R3HDM2: variants seen among roughly 807,000 people sequenced by gnomAD.
R3HDM2 encodes R3H domain-containing protein 2.
Under a neutral mutation model 124.5 loss-of-function variants are expected in R3HDM2, and 38 were observed. That is an observed-to-expected ratio of 0.31 (90% CI 0.24 to 0.40). The LOEUF is 0.40. R3HDM2 is among the 10% of genes least tolerant of loss of function. R3HDM2 has a pLI of 1.00. For missense variants in R3HDM2, 869 were observed against 1,236.9 expected, an observed-to-expected ratio of 0.70 and a Z score of 4.46; for synonymous variants, 391 against 448.0, an observed-to-expected ratio of 0.87 and a Z score of 1.61.
chr12:57,334,579 C>T (rs2136725309), intron 2 of R3HDM2, among the ~76,000 whole-genome samples: 1 of 152,016 alleles, frequency 6.6e-6, no homozygotes, highest in Middle Eastern at 3.4e-3. Context: ...TTCTGTTATA[C>T]TAAAAATGAA....
intron 1 of R3HDM2, among the ~76,000 whole-genome samples, chr12:57,426,947 C>T (rs2070796942): frequency 6.6e-6 from 1 of 152,172 alleles, no homozygotes; most frequent in Non-Finnish European, 1.5e-5. Context: ...CTGTTGTGCA[C>T]TTTACTGAAC....
At chr12:57,417,537 G>C (rs1320722821) in intron 1 of R3HDM2, among the ~76,000 whole-genome samples, 1 of 152,102 alleles carries the variant, frequency 6.6e-6, no homozygotes, top group African/African-American at 2.4e-5. Context: ...TTATTCTGAG[G>C]ATTAAATGAT....
At chr12:57,258,659 T>C (rs933528297) in intron 20 of R3HDM2, among the ~76,000 whole-genome samples, 14 of 152,268 alleles carry the variant, frequency 9.2e-5, no homozygotes, top group South Asian at 8.3e-4. Context: ...TTAATATCCA[T>C]TTCTGGCATA....
At chr12:57,424,729 G>A (rs2070554055) in intron 1 of R3HDM2, among the ~76,000 whole-genome samples, 1 of 152,184 alleles carries the variant, frequency 6.6e-6, no homozygotes, top group East Asian at 1.9e-4. Context: ...TTAAGAGACA[G>A]GCTCTCATTC....
At chr12:57,265,278 A>C (rs1220971391) in intron 19 of R3HDM2, among the ~76,000 whole-genome samples, 5 of 152,256 alleles carry the variant, frequency 3.3e-5, no homozygotes, top group African/African-American at 4.8e-5. Context: ...TTTGAGTTTT[A>C]AATTTCCTCC....
intron 14 of R3HDM2, among the ~76,000 whole-genome samples, chr12:57,274,171 A>G (rs1398394052): frequency 2.0e-5 from 3 of 152,088 alleles, no homozygotes; most frequent in African/African-American, 7.2e-5. Context: ...TTCTGGGGAA[A>G]AAAGGACAGT....
Position 57,430,183 on chromosome 12 carries a change from T to C in R3HDM2, c.-106+537A>G, listed in dbSNP as rs767674524. Among the ~76,000 whole-genome samples, 89 of 152,160 alleles carry C rather than the reference T, an allele frequency of 5.8e-4. 2 individuals carry two copies. Among genetic ancestry groups the C allele is most frequent in the Non-Finnish European group, 1.5e-4 (10 of 68,036 alleles). On this transcript the variant is annotated intron_variant, in intron 1 of 23. Coordinates refer to ENST00000402412, the MANE Select transcript of R3HDM2 (RefSeq NM_001394031.1). ...GCCACAAATGTTGAAAAATGTTAGC[T>C]CTACGGGAAAACGAATCGAAGCGTT...
intron 2 of R3HDM2, among the ~76,000 whole-genome samples, chr12:57,325,711 A>ATT (rs35553480): frequency 2.1e-5 from 3 of 142,056 alleles, no homozygotes; most frequent in Non-Finnish European, 3.1e-5. Flanking sequence ...TCCTTAGCTA[A>ATT]TTTTTTTTTT....
intron 12 of R3HDM2, among the ~76,000 whole-genome samples, chr12:57,288,665 A>G (rs990662949): frequency 2.6e-5 from 4 of 152,162 alleles, no homozygotes; most frequent in Non-Finnish European, 1.5e-5. Flanking sequence ...GAAATCAGCA[A>G]CAATAAAAAT....
chr12:57,256,455 G>A lies in R3HDM2; in HGVS notation c.2506C>T (p.Pro836Ser). Residue 836 changes from proline to serine, a missense_variant, in exon 22 of 24, where the codon CCT becomes TCT. By Grantham distance (74) the Pro-to-Ser change is moderately conservative (BLOSUM62 -1). Coordinates refer to ENST00000402412, the MANE Select transcript of R3HDM2 (RefSeq NM_001394031.1). The part of the protein sequence containing the change: ...QPLQYNLSIC[P>S]PLLHGQSTYT... Reference sequence around the variant, plus strand: ...GTTGACTGGCCATGGAGCAAGGGAGGGCAGATGGACAGATTGTACTGTAAT... The same window carrying A: ...GTTGACTGGCCATGGAGCAAGGGAGAGCAGATGGACAGATTGTACTGTAAT... The A allele has an allele frequency of 6.3e-7, 1 of 1,599,684 alleles. No homozygotes were observed. The highest frequency in any genetic ancestry group is 8.5e-7 in the Non-Finnish European group (1 of 1,172,862).
chr12:57,351,013 G>T (rs2060624145), intron 2 of R3HDM2, among the ~76,000 whole-genome samples: 1 of 152,188 alleles, frequency 6.6e-6, no homozygotes. Context: ...GCAAAGAATT[G>T]CTTGAACCTT....
intron 2 of R3HDM2, among the ~76,000 whole-genome samples, chr12:57,352,254 A>C (rs1329397461): frequency 6.6e-6 from 1 of 151,668 alleles, no homozygotes; most frequent in East Asian, 1.9e-4. Flanking sequence ...AAAAAAAAAA[A>C]AAAAAAAACA....
chr12:57,388,470 C>T (rs561903762), intron 2 of R3HDM2, among the ~76,000 whole-genome samples: 1 of 152,282 alleles, frequency 6.6e-6, no homozygotes, highest in African/African-American at 2.4e-5. Context: ...TGCCAGGAGA[C>T]ACAAAGGCTT....
intron 2 of R3HDM2, among the ~76,000 whole-genome samples, chr12:57,348,913 CAAG>C (rs1490806990): frequency 6.6e-6 from 1 of 151,996 alleles, no homozygotes; most frequent in Non-Finnish European, 1.5e-5. Flanking sequence ...AAGCGGAAAT[CAAG>C]TAGTATTGGC....
intron 7 of R3HDM2, 67 bp from the exon 8 acceptor site, chr12:57,297,454 T>C (rs776291522): frequency 9.9e-7 from 1 of 1,013,790 alleles, no homozygotes; most frequent in African/African-American, 1.7e-5. Context: ...ACATTGAAAG[T>C]GGGGATTGAA....
chr12:57,406,401 T>C (rs1566499335), intron 1 of R3HDM2, among the ~76,000 whole-genome samples: 1 of 152,116 alleles, frequency 6.6e-6, no homozygotes, highest in Non-Finnish European at 1.5e-5. Flanking sequence ...TGACTATTTT[T>C]TAAAAACTCA....
intron 2 of R3HDM2, among the ~76,000 whole-genome samples, chr12:57,356,909 C>T (rs993312573): frequency 5.3e-5 from 8 of 150,538 alleles, no homozygotes; most frequent in African/African-American, 1.5e-4. Flanking sequence ...AAATCGAGAC[C>T]ATCCTGGGTA....
chr12:57,336,600 G>A (rs1156409306), intron 2 of R3HDM2, among the ~76,000 whole-genome samples: 1 of 152,168 alleles, frequency 6.6e-6, no homozygotes, highest in African/African-American at 2.4e-5. Flanking sequence ...ACTTATAAGT[G>A]GGAGCTAAAT....
intron 11 of R3HDM2, among the ~76,000 whole-genome samples, chr12:57,292,336 T>C (rs1271996500): frequency 1.3e-5 from 2 of 152,246 alleles, no homozygotes; most frequent in African/African-American, 4.8e-5. Context: ...CTCCAAGTTA[T>C]AGTTCTCTTT....
Sources: gnomAD v4.1 joint callset for allele counts (sites outside exome capture counted in the v4.1 genomes callset) on GRCh38, gnomAD v4.1.1 for gene constraint, MANE v1.5 for transcripts, NCBI Gene and HGNC (gene_info 2026-07-23, HGNC 2026-07-21) for gene names.